EFL1: variants seen among roughly 807,000 people sequenced by gnomAD.
EFL1 encodes elongation factor-like GTPase 1.
In EFL1, 76 loss-of-function variants were observed where a neutral mutation model predicts 126.7. The ratio of observed to expected loss-of-function variants is 0.60; its 90% CI spans 0.50 to 0.73. EFL1 has a LOEUF of 0.73. Ranked by LOEUF, EFL1 falls within the 30% of genes least tolerant of loss-of-function variation. The pLI is 0.00. For synonymous variants in EFL1, 410 were observed against 448.4 expected (o/e 0.91, Z 1.08); for missense variants, 1,128 against 1,343.2 (o/e 0.84, Z 2.50).
intron 12 of EFL1, among the ~76,000 whole-genome samples, chr15:82,221,004 G>A (rs1414182141): frequency 6.6e-6 from 1 of 152,110 alleles, no homozygotes; most frequent in African/African-American, 2.4e-5. Context: ...AGGTCCTTAT[G>A]AACCTACCTG....
chr15:82,238,543 C>G (rs764367078), intron 6 of EFL1, 22 bp from the exon 7 acceptor site: 1 of 1,572,486 alleles, frequency 6.4e-7, no homozygotes, highest in South Asian at 1.1e-5. Flanking sequence ...GGTGAAATGG[C>G]AGAGCGTCAT....
chr15:82,262,513 A>C, intron 1 of EFL1, 101 bp downstream of exon 1: 1 of 210,672 alleles, frequency 4.7e-6, no homozygotes, highest in East Asian at 1.7e-4. Context: ...GCTCGGCCCC[A>C]GCCCCTGTTC....
At chr15:82,249,515 T>G (rs1169001142) in intron 4 of EFL1, among the ~76,000 whole-genome samples, 2 of 152,104 alleles carry the variant, frequency 1.3e-5, no homozygotes, top group African/African-American at 4.8e-5. Context: ...AATTTCAAAT[T>G]ATTTAACCCA....
intron 4 of EFL1, among the ~76,000 whole-genome samples, chr15:82,248,591 A>C (rs2074994072): frequency 6.6e-6 from 1 of 152,098 alleles, no homozygotes. Context: ...TTGCATATGG[A>C]CCTCTTTGCA....
chr15:82,230,871 T>C lies in EFL1; in HGVS notation c.832A>G (p.Lys278Glu), dbSNP rs2074814648. ...ACCTGATCACCCTTCATGATCTTTT[T>C]AGCCTTCATATTTATATAGTAATCT... is the stretch of plus-strand genomic sequence containing the variant. ...WGDYYINMKA[K>E]KIMKGDQAKG... Residue 278 changes from lysine (K) to glutamate (E), a missense_variant, in exon 8 of 20, where the codon AAA (lysine) becomes GAA (glutamate). By Grantham distance (56) the Lys-to-Glu change is moderately conservative. Around this residue, in one of 6 missense-constraint regions of EFL1, gnomAD observed 316 missense variants for 318.5 expected, o/e 0.99. Transcript: ENST00000268206. 2 of 1,612,454 alleles carry C rather than the reference T, an allele frequency of 1.2e-6. No homozygotes were observed. Among genetic ancestry groups the C allele is most frequent in the Non-Finnish European group, 8.5e-7 (1 of 1,179,268 alleles).
intron 15 of EFL1, among the ~76,000 whole-genome samples, chr15:82,193,692 C>T (rs1051051833): frequency 6.6e-6 from 1 of 152,154 alleles, no homozygotes; most frequent in African/African-American, 2.4e-5. Context: ...TTCTTCCCTC[C>T]TCTGGCTCGT....
chr15:82,175,378 C>T (rs1236467331), intron 15 of EFL1, among the ~76,000 whole-genome samples: 1 of 152,132 alleles, frequency 6.6e-6, no homozygotes, highest in African/African-American at 2.4e-5. Flanking sequence ...CCAGGGCACG[C>T]ATTACTTCCT....
chr15:82,227,304 T>C, intron 11 of EFL1, 146 bp downstream of exon 11: 2 of 1,300,994 alleles, frequency 1.5e-6, no homozygotes, highest in Non-Finnish European at 2.1e-6. Context: ...GGTGAAATGG[T>C]CATTTGTGAA....
chr15:82,196,033 G>A (rs1472268380), intron 15 of EFL1, among the ~76,000 whole-genome samples: 1 of 152,126 alleles, frequency 6.6e-6, no homozygotes, highest in Non-Finnish European at 1.5e-5. Flanking sequence ...AAGGGAGAAA[G>A]AACACTTGAG....
At chr15:82,217,175 G>A (rs1203257976) in intron 14 of EFL1, among the ~76,000 whole-genome samples, 1 of 151,948 alleles carries the variant, frequency 6.6e-6, no homozygotes, top group East Asian at 1.9e-4. Flanking sequence ...ATTTTGGTGA[G>A]CATGTGGAAC....
intron 18 of EFL1, among the ~76,000 whole-genome samples, chr15:82,147,299 G>A (rs938335635): frequency 3.3e-5 from 5 of 152,054 alleles, no homozygotes; most frequent in Middle Eastern, 3.2e-3. Context: ...TTGAGAGCAC[G>A]GATAGGCACA....
At position 82,227,549 on chromosome 15, in the gene EFL1, T is replaced by A. The variant is rs1261721314; in HGVS notation, c.1093A>T (p.Ser365Cys). Residue 365 changes from serine (S) to cysteine (C), a missense_variant, in exon 11 of 20, where the codon AGT (serine) becomes TGT (cysteine). This residue lies in a region of EFL1 where 316 missense variants were observed against 318.5 expected (regional missense o/e 0.99). Transcript: ENST00000268206. ...CTCTCAGCTGTAATATCAAGGGGAC[T>A]AGGAAGTTTCTGACACACCATAGCT... ...VLAMVCQKLP[S>C]PLDITAERVE... is the part of the protein sequence containing the mutation. The A allele has an allele frequency of 6.2e-7, 1 of 1,614,152 alleles. No homozygotes were observed. Among genetic ancestry groups the A allele is most frequent in the Non-Finnish European group, 8.5e-7 (1 of 1,179,998 alleles).
chr15:82,130,594 T>C, intron 19 of EFL1, 33 bp from the exon 20 acceptor site: 1 of 1,604,454 alleles, frequency 6.2e-7, no homozygotes, highest in East Asian at 2.2e-5. Flanking sequence ...TGTGCAAGGT[T>C]AGGCATTTTT....
At chr15:82,160,930 T>C (rs2074016773) in intron 16 of EFL1, among the ~76,000 whole-genome samples, 1 of 152,180 alleles carries the variant, frequency 6.6e-6, no homozygotes, top group Admixed American at 6.5e-5. Context: ...GTAAAATCCT[T>C]AGTACAGTGT....
At chr15:82,155,852 T>C (rs1022653886) in intron 17 of EFL1, among the ~76,000 whole-genome samples, 5 of 152,258 alleles carry the variant, frequency 3.3e-5, no homozygotes, top group Admixed American at 3.3e-4. Context: ...TCTTTCATGT[T>C]TATTGGCCTT....
chr15:82,246,286 T>C lies in EFL1; in HGVS notation c.245-4883A>G, dbSNP rs374904607. Among the ~76,000 whole-genome samples the C allele has an allele frequency of 1.8e-4, 27 of 152,208 alleles. No individual in the cohort carries two copies. In the East Asian group the frequency reaches 1.9e-3, roughly 11 times the overall value. Reference sequence around the variant, plus strand: ...CACATTGTCTTGATTCCTTTGATCATTGGCAGTTTTGCTTGGAAGGGTGTA... The same window carrying C: ...CACATTGTCTTGATTCCTTTGATCACTGGCAGTTTTGCTTGGAAGGGTGTA... On this transcript the variant is annotated intron_variant, in intron 4 of 19. Transcript: ENST00000268206.
At chr15:82,184,205 C>T (rs186566617) in intron 15 of EFL1, among the ~76,000 whole-genome samples, 1 of 152,156 alleles carries the variant, frequency 6.6e-6, no homozygotes, top group Non-Finnish European at 1.5e-5. Context: ...TATTACTGTG[C>T]AAAAGATCTG....
chr15:82,228,241 T>G lies in EFL1; in HGVS notation c.1019A>C (p.Gln340Pro), dbSNP rs772167610. The change falls in exon 10 of 20, where the codon CAG becomes CCG. Residue 340 changes from glutamine to proline, a missense_variant. Gln to Pro is a moderately conservative substitution (Grantham distance 76, BLOSUM62 -1). This residue lies in a region of EFL1 where 316 missense variants were observed against 318.5 expected (regional missense o/e 0.99). Coordinates refer to ENST00000268206, the MANE Select transcript of EFL1 (RefSeq NM_024580.6). Reference sequence around the variant, plus strand: ...CCACTGACTGCAAATGGCGTTGATCTGAACTTTAGGGTCTGAATGTCGTGC... The same window carrying G: ...CCACTGACTGCAAATGGCGTTGATCGGAACTTTAGGGTCTGAATGTCGTGC... ...REARHSDPKV[Q>P]INAICSQWLP... The G allele has an allele frequency of 6.3e-5, 101 of 1,613,992 alleles. No individual in the cohort carries two copies. The highest frequency in any genetic ancestry group is 7.1e-5 in the Non-Finnish European group (84 of 1,179,972).
intron 15 of EFL1, among the ~76,000 whole-genome samples, chr15:82,207,318 A>C (rs1467096504): frequency 2.7e-5 from 4 of 150,348 alleles, no homozygotes; most frequent in African/African-American, 9.8e-5. Context: ...ACACACACAC[A>C]TATAACATAT....
Sources: gnomAD v4.1 joint callset for allele counts (sites outside exome capture counted in the v4.1 genomes callset) on GRCh38, gnomAD v4.1.1 for gene constraint, gnomAD v4.1.1 regional missense constraint, MANE v1.5 for transcripts, NCBI Gene and HGNC (gene_info 2026-07-23, HGNC 2026-07-21) for gene names.